ADCY2: variants seen among roughly 807,000 people sequenced by gnomAD.
The protein encoded by ADCY2 is adenylate cyclase type 2.
Under a neutral mutation model 125.2 loss-of-function variants are expected in ADCY2, and 31 were observed. The observed-to-expected ratio is 0.25, with a 90% CI of 0.19 to 0.33. ADCY2 has a LOEUF of 0.33. Ranked by LOEUF, ADCY2 falls within the 10% of genes least tolerant of loss-of-function variation. The pLI is 1.00. For missense variants in ADCY2, 904 were observed against 1,418.2 expected, an observed-to-expected ratio of 0.64 and a Z score of 5.82; for synonymous variants, 512 against 548.4, an observed-to-expected ratio of 0.93 and a Z score of 0.93.
At chr5:7,708,780 G>A (rs111387216) in intron 9 of ADCY2, among the ~76,000 whole-genome samples, 96 of 152,178 alleles carry the variant, frequency 6.3e-4, no homozygotes, top group African/African-American at 2.3e-3. Context: ...ATGATGGACG[G>A]GGGAAGGCTC....
intron 3 of ADCY2, among the ~76,000 whole-genome samples, chr5:7,581,653 A>G (rs1736436821): frequency 8.2e-6 from 1 of 121,792 alleles, no homozygotes; most frequent in South Asian, 2.6e-4. Context: ...CCCCATCTCT[A>G]CTAAAAATAC....
chr5:7,424,422 T>C (rs1740316468), intron 2 of ADCY2, among the ~76,000 whole-genome samples: 1 of 152,246 alleles, frequency 6.6e-6, no homozygotes, highest in African/African-American at 2.4e-5. Flanking sequence ...GGACCAGAAT[T>C]TGGACTTGGC....
intron 4 of ADCY2, among the ~76,000 whole-genome samples, chr5:7,681,506 A>G (rs1182262331): frequency 6.6e-6 from 1 of 152,194 alleles, no homozygotes; most frequent in African/African-American, 2.4e-5. Flanking sequence ...CAGAAAATGT[A>G]TGTGACCGCT....
intron 2 of ADCY2, among the ~76,000 whole-genome samples, chr5:7,416,979 A>G (rs1443697361): frequency 6.6e-6 from 1 of 152,200 alleles, no homozygotes; most frequent in Non-Finnish European, 1.5e-5. Flanking sequence ...GTCATGTTCA[A>G]TGAAAAGTCC....
intron 3 of ADCY2, among the ~76,000 whole-genome samples, chr5:7,541,050 T>G (rs759881204): frequency 6.6e-6 from 1 of 152,112 alleles, no homozygotes; most frequent in African/African-American, 2.4e-5. Context: ...GTGTGCATGA[T>G]CTCGGCACAG....
At chr5:7,651,397 G>C (rs992195256) in intron 4 of ADCY2, among the ~76,000 whole-genome samples, 1 of 152,154 alleles carries the variant, frequency 6.6e-6, no homozygotes, top group East Asian at 1.9e-4. Flanking sequence ...TCATCCCAAA[G>C]GGATGTCTGC....
At chr5:7,520,076 C>A (rs1401818066) in intron 2 of ADCY2, among the ~76,000 whole-genome samples, 1 of 152,052 alleles carries the variant, frequency 6.6e-6, no homozygotes, top group Non-Finnish European at 1.5e-5. Context: ...TGTGTTTCCA[C>A]CTTGGGGTTG....
At position 7,589,769 on chromosome 5, in the gene ADCY2, G is replaced by A. The variant is rs546351790; in HGVS notation, c.571-36398G>A. On this transcript the variant is annotated intron_variant, in intron 3 of 24. Transcript: ENST00000338316. ...AGGGCACAGAGATGGGCTGTTGGGG[G>A]TAACCAATGATACAGCACTCGGGAG... is the stretch of plus-strand genomic sequence containing the variant. Among the ~76,000 whole-genome samples, 3 of 152,224 alleles carry A rather than the reference G, an allele frequency of 2.0e-5. No homozygotes were observed. The South Asian group carries it at 6.2e-4, about 32-fold the overall frequency.
chr5:7,599,614 G>T (rs994148044), intron 3 of ADCY2, among the ~76,000 whole-genome samples: 1 of 152,138 alleles, frequency 6.6e-6, no homozygotes, highest in Admixed American at 6.5e-5. Flanking sequence ...TGGAGACACA[G>T]ATTTGGAGGA....
chr5:7,672,893 C>T (rs2126705853), intron 4 of ADCY2, among the ~76,000 whole-genome samples: 2 of 151,976 alleles, frequency 1.3e-5, no homozygotes, highest in South Asian at 4.2e-4. Flanking sequence ...GGGTGGTATG[C>T]CAGCCCCTGC....
chr5:7,605,897 A>G (rs1397836083), intron 3 of ADCY2, among the ~76,000 whole-genome samples: 6 of 90,290 alleles, frequency 6.6e-5, no homozygotes, highest in Non-Finnish European at 1.1e-4. Flanking sequence ...GCCGGTTTTC[A>G]AAGGGAATGC....
At chr5:7,820,232 C>T (rs112878985) in intron 23 of ADCY2, among the ~76,000 whole-genome samples, 3 of 152,258 alleles carry the variant, frequency 2.0e-5, no homozygotes, top group African/African-American at 4.8e-5. Flanking sequence ...GTGGCTCACT[C>T]CTGTAATCCC....
At chr5:7,428,096 G>A (rs1740453515) in intron 2 of ADCY2, among the ~76,000 whole-genome samples, 1 of 152,346 alleles carries the variant, frequency 6.6e-6, no homozygotes, top group African/African-American at 2.4e-5. Context: ...CATGCAGAGG[G>A]CAGGGGTCGG....
intron 1 of ADCY2, among the ~76,000 whole-genome samples, chr5:7,414,017 GCATTTCCCGCTCCC>G (rs1739838560): frequency 6.6e-6 from 1 of 152,108 alleles, no homozygotes; most frequent in South Asian, 2.1e-4. Flanking sequence ...CCTCCTGTAT[GCATTTCCCGCTCCC>G]TCACGTTCCA....
At position 7,828,779 on chromosome 5, in the gene ADCY2, G is replaced by T. The variant is rs1161411160; in HGVS notation, c.*1908G>T. 1 of 152,316 alleles carries T rather than the reference G, an allele frequency of 6.6e-6. No individual in the cohort carries two copies. The highest frequency in any genetic ancestry group is 1.5e-5 in the Non-Finnish European group (1 of 68,050). The allele number at this position is 152,316 out of a possible 1,614,324, so 9.4% of individuals were successfully genotyped here. ...TTTCCGTGAGCTCAAACTGGCCTTG[G>T]TGTAAAATGTGTAAGGATGAGCAGC... On this transcript the variant is annotated 3_prime_UTR_variant, in exon 25 of 25. Transcript: ENST00000338316.
chr5:7,822,800 AC>A (rs1745343575), intron 24 of ADCY2, among the ~76,000 whole-genome samples: 1 of 152,054 alleles, frequency 6.6e-6, no homozygotes. Flanking sequence ...TTCACGTTTC[AC>A]CCCCGTTATG....
At chr5:7,633,874 T>C (rs1326546267) in intron 4 of ADCY2, among the ~76,000 whole-genome samples, 2 of 152,228 alleles carry the variant, frequency 1.3e-5, no homozygotes, top group African/African-American at 4.8e-5. Context: ...TATGGTACTT[T>C]GATGCTGGTA....
rs185138214 is a variant in ADCY2 at position 7,686,914 on chromosome 5, A to G, written c.721-3777A>G. 2.3e-3 allele frequency among the ~76,000 whole-genome samples: 353 copies of G among 152,270 alleles called. 1 individual carries two copies. The highest frequency in any genetic ancestry group is 8.1e-3 in the African/African-American group (337 of 41,562). On this transcript the variant is annotated intron_variant, in intron 4 of 24. Transcript: ENST00000338316. Reference sequence around the variant, plus strand: ...CAGGCTTTTTTTGGAAACTCATTCAATTGCCCAGCACTGTGATCACCTAGA... The same window carrying G: ...CAGGCTTTTTTTGGAAACTCATTCAGTTGCCCAGCACTGTGATCACCTAGA...
chr5:7,527,171 G>A (rs932680844), intron 3 of ADCY2, among the ~76,000 whole-genome samples: 6 of 152,210 alleles, frequency 3.9e-5, no homozygotes, highest in African/African-American at 1.4e-4. Flanking sequence ...GTCCCCAGGG[G>A]TGGTGGCAGT....
Sources: allele counts gnomAD v4.1 joint callset (sites outside exome capture counted in the v4.1 genomes callset), GRCh38; gene constraint gnomAD v4.1.1; transcripts MANE v1.5; gene names NCBI Gene and HGNC (gene_info 2026-07-23, HGNC 2026-07-21).